BTBD10: variants seen among roughly 807,000 people sequenced by gnomAD.
The protein encoded by BTBD10 is BTB/POZ domain-containing protein 10.
BTBD10 carries 21 observed loss-of-function variants against 53.2 expected under a neutral mutation model. The ratio of observed to expected loss-of-function variants is 0.39; its 90% confidence interval spans 0.28 to 0.57. The LOEUF (loss-of-function observed/expected upper bound fraction) is 0.57. Ranked by LOEUF, BTBD10 falls within the 20% of genes least tolerant of loss-of-function variation. The pLI is 0.53. For synonymous variants in BTBD10, 149 were observed against 192.7 expected (o/e 0.77, Z 1.88); for missense variants, 360 against 594.7 (o/e 0.61, Z 4.10).
chr11:13,441,709 T>C (rs1221075719), intron 2 of BTBD10, among the ~76,000 whole-genome samples: 1 of 151,910 alleles, frequency 6.6e-6, no homozygotes, highest in Non-Finnish European at 1.5e-5. Context: ...AAAACATAAA[T>C]AGAACAAAAC....
intron 1 of BTBD10, among the ~76,000 whole-genome samples, chr11:13,457,397 C>G (rs1950994543): frequency 6.6e-6 from 1 of 152,034 alleles, no homozygotes; most frequent in Non-Finnish European, 1.5e-5. Context: ...AAGGAGTTAA[C>G]TGAATAAACT....
intron 2 of BTBD10, among the ~76,000 whole-genome samples, chr11:13,436,847 T>A (rs181535166): frequency 1.0e-3 from 152 of 152,286 alleles, no homozygotes; most frequent in African/African-American, 3.4e-3. Context: ...AGTGGCGTGA[T>A]CTCTGCTCAC....
At chr11:13,404,500 T>C (rs1042444927) in intron 7 of BTBD10, 2 of 593,130 alleles carry the variant, frequency 3.4e-6, no homozygotes, top group East Asian at 1.4e-4. Flanking sequence ...TTTTGAAAAG[T>C]AAAATGTAAG....
At chr11:13,459,268 C>T (rs941358418) in intron 1 of BTBD10, among the ~76,000 whole-genome samples, 4 of 151,678 alleles carry the variant, frequency 2.6e-5, no homozygotes, top group African/African-American at 9.7e-5. Flanking sequence ...CCGTTTTAGC[C>T]GGGATGGTCT....
At chr11:13,395,063 C>T (rs374509289) in intron 8 of BTBD10, among the ~76,000 whole-genome samples, 7,133 of 125,734 alleles carry the variant, frequency 0.057, 282 homozygotes, top group Admixed American at 0.091. Flanking sequence ...TACCCAGTAA[C>T]GGGATGGCTG....
chr11:13,455,406 A>C (rs1479037751), intron 1 of BTBD10, among the ~76,000 whole-genome samples: 1 of 152,208 alleles, frequency 6.6e-6, no homozygotes, highest in African/African-American at 2.4e-5. Context: ...TCAATAAATG[A>C]AGTGTTATTC....
At chr11:13,428,023 G>T (rs1457020618) in intron 2 of BTBD10, among the ~76,000 whole-genome samples, 1 of 151,904 alleles carries the variant, frequency 6.6e-6, no homozygotes, top group South Asian at 2.1e-4. Flanking sequence ...TCCTACATTA[G>T]AAAAGAAGAA....
intron 6 of BTBD10, among the ~76,000 whole-genome samples, chr11:13,407,592 C>T (rs1271072058): frequency 6.6e-6 from 1 of 152,166 alleles, no homozygotes; most frequent in Non-Finnish European, 1.5e-5. Flanking sequence ...TTCCCCAAGT[C>T]TTCTTAAACA....
intron 2 of BTBD10, among the ~76,000 whole-genome samples, chr11:13,443,516 A>G (rs1950700531): frequency 6.6e-6 from 1 of 152,150 alleles, no homozygotes; most frequent in Non-Finnish European, 1.5e-5. Flanking sequence ...GATGAATACT[A>G]TATAATTCAC....
At chr11:13,455,218 G>A (rs1480705898) in intron 1 of BTBD10, among the ~76,000 whole-genome samples, 1 of 152,042 alleles carries the variant, frequency 6.6e-6, no homozygotes, top group African/African-American at 2.4e-5. Flanking sequence ...CAGCCCTGTT[G>A]TCCACTTAAA....
intron 2 of BTBD10, among the ~76,000 whole-genome samples, chr11:13,441,819 TG>T (rs1341421386): frequency 6.6e-6 from 1 of 152,166 alleles, no homozygotes; most frequent in East Asian, 1.9e-4. Context: ...AATCCCCAAC[TG>T]TTCAAGGTGA....
chr11:13,462,087 T>G (rs1242707242), intron 1 of BTBD10, among the ~76,000 whole-genome samples: 1 of 152,164 alleles, frequency 6.6e-6, no homozygotes, highest in Non-Finnish European at 1.5e-5. Context: ...AGAAACTCTT[T>G]TGGCCGTTAT....
At chr11:13,438,165 C>A (rs1036276195) in intron 2 of BTBD10, among the ~76,000 whole-genome samples, 3 of 151,922 alleles carry the variant, frequency 2.0e-5, no homozygotes, top group South Asian at 2.1e-4. Flanking sequence ...ATATAAGAAA[C>A]CTTTTTTGGT....
chr11:13,399,655 G>T (rs2135754430), intron 8 of BTBD10, among the ~76,000 whole-genome samples: 1 of 152,246 alleles, frequency 6.6e-6, no homozygotes, highest in East Asian at 1.9e-4. Flanking sequence ...TTGCTGCTCT[G>T]TTTTTTCCCC....
chr11:13,418,971 C>CTTTTTTTT (rs11423580), intron 4 of BTBD10, among the ~76,000 whole-genome samples: 1 of 125,432 alleles, frequency 8.0e-6, no homozygotes, highest in Admixed American at 8.2e-5. Context: ...GTTGACATTC[C>CTTTTTTTT]TTTTTTTTTT....
chr11:13,428,629 A>G (rs965036121), intron 2 of BTBD10, among the ~76,000 whole-genome samples: 5 of 152,192 alleles, frequency 3.3e-5, no homozygotes, highest in African/African-American at 1.2e-4. Flanking sequence ...ACAAATATCA[A>G]TATTCTAAAC....
chr11:13,462,194 T>C (rs1275407379), intron 1 of BTBD10, among the ~76,000 whole-genome samples: 1 of 152,184 alleles, frequency 6.6e-6, no homozygotes, highest in African/African-American at 2.4e-5. Flanking sequence ...TTGATCAAAT[T>C]TGTGTAGTTG....
chr11:13,389,192 A>G (rs1478716689), intron 8 of BTBD10, 51 bp from the exon 9 acceptor site: 2 of 1,509,432 alleles, frequency 1.3e-6, no homozygotes, highest in Non-Finnish European at 1.8e-6. Context: ...CAGACCTCTC[A>G]CCCAATTTCG....
chr11:13,414,844 G>GAAAA (rs71041526), intron 5 of BTBD10, among the ~76,000 whole-genome samples: 31 of 85,116 alleles, frequency 3.6e-4, no homozygotes, highest in East Asian at 7.9e-4. Flanking sequence ...CATCTCAAAC[G>GAAAA]AAAAAAAAAA....
Sources: gnomAD v4.1 joint callset for allele counts (sites outside exome capture counted in the v4.1 genomes callset) on GRCh38, gnomAD v4.1.1 for gene constraint, MANE v1.5 for transcripts, NCBI Gene and HGNC (gene_info 2026-07-23, HGNC 2026-07-21) for gene names.